The following DLC1 variants were observed in gnomAD, a reference collection of about 807,000 sequenced individuals.
The protein encoded by DLC1 is rho GTPase-activating protein 7.
Under a neutral mutation model 140.3 loss-of-function variants are expected in DLC1, and 54 were observed. That is an observed-to-expected ratio of 0.38 (90% CI 0.31 to 0.48). DLC1 has a LOEUF of 0.48. Among genes scored for constraint, DLC1 ranks in the 20% least tolerant of loss-of-function variants. The pLI is 0.96. For synonymous variants in DLC1, 986 were observed against 728.1 expected (o/e 1.35, Z -5.70); for missense variants, 2,536 against 1,907.0 (o/e 1.33, Z -6.14).
chr8:13,251,684 T>C (rs939345296), intron 5 of DLC1, among the ~76,000 whole-genome samples: 2 of 152,050 alleles, frequency 1.3e-5, no homozygotes, highest in African/African-American at 4.8e-5. Flanking sequence ...GAAATAAAAA[T>C]AACTGAGCTC....
intron 4 of DLC1, among the ~76,000 whole-genome samples, chr8:13,391,351 C>G (rs1480632537): frequency 6.6e-6 from 1 of 152,154 alleles, no homozygotes; most frequent in Non-Finnish European, 1.5e-5. Context: ...GATGACAAGT[C>G]ACACCTGAAC....
chr8:13,261,769 A>G (rs1414870101), intron 5 of DLC1, among the ~76,000 whole-genome samples: 1 of 152,184 alleles, frequency 6.6e-6, no homozygotes, highest in Non-Finnish European at 1.5e-5. Flanking sequence ...GGAGATGAAA[A>G]AGACAAGTTT....
At chr8:13,556,881 C>G (rs1014502403) in intron 1 of DLC1, among the ~76,000 whole-genome samples, 1 of 152,206 alleles carries the variant, frequency 6.6e-6, no homozygotes, top group African/African-American at 2.4e-5. Context: ...TGCTGACAGT[C>G]TGATACTTGC....
intron 5 of DLC1, among the ~76,000 whole-genome samples, chr8:13,265,032 C>T (rs1250280252): frequency 6.6e-6 from 1 of 152,168 alleles, no homozygotes; most frequent in Non-Finnish European, 1.5e-5. Flanking sequence ...TGGCTTCTGA[C>T]CTTCAGAGCT....
At chr8:13,422,543 C>T (rs760691463) in intron 2 of DLC1, among the ~76,000 whole-genome samples, 1 of 152,196 alleles carries the variant, frequency 6.6e-6, no homozygotes, top group South Asian at 2.1e-4. Flanking sequence ...TGCACGTTTA[C>T]TGCATACATT....
chr8:13,373,551 C>T (rs1377610231), intron 4 of DLC1, among the ~76,000 whole-genome samples: 1 of 152,144 alleles, frequency 6.6e-6, no homozygotes, highest in Non-Finnish European at 1.5e-5. Context: ...GAATTTGATT[C>T]AGCCCAATAA....
rs1412399948 is a variant in DLC1, at chr8:13,316,480, C to T, written c.1315-11178G>A. Among the ~76,000 whole-genome samples the T allele has an allele frequency of 3.3e-5, 5 of 151,714 alleles. No individual in the cohort carries two copies. The East Asian group carries it at 7.7e-4, about 23-fold the overall frequency. On this transcript the variant is annotated intron_variant, in intron 4 of 17. Transcript: ENST00000276297. The stretch of plus-strand genomic sequence containing the variant: ...AACTTTCTTAACCCTCAAAAGTGTC[C>T]CAGTCTGGATGATAATTTATATGAG...
chr8:13,266,692 C>T (rs1275039738), intron 5 of DLC1, among the ~76,000 whole-genome samples: 1 of 152,100 alleles, frequency 6.6e-6, no homozygotes, highest in Non-Finnish European at 1.5e-5. Context: ...TTGCTGTGAG[C>T]TGAGATCCTG....
intron 1 of DLC1, chr8:13,557,962 A>C (rs566668815): frequency 6.6e-6 from 1 of 152,344 alleles, no homozygotes; most frequent in East Asian, 1.9e-4. Flanking sequence ...GTTTTCTAAA[A>C]GGAAAAATGT....
chr8:13,169,094 G>T (rs960017568), intron 5 of DLC1, among the ~76,000 whole-genome samples: 12 of 152,202 alleles, frequency 7.9e-5, no homozygotes, highest in African/African-American at 2.7e-4. Context: ...TTATGGATCA[G>T]AAGGAAATGT....
intron 1 of DLC1, among the ~76,000 whole-genome samples, chr8:13,592,840 C>G (rs1564537): frequency 0.99 from 150,214 of 152,238 alleles, 74,151 homozygotes; most frequent in Non-Finnish European, 1. Flanking sequence ...GTCTCTGTTA[C>G]ACACATTTTG....
At chr8:13,092,939 A>G in intron 12 of DLC1, 114 bp from the exon 13 acceptor site, 5 of 1,189,186 alleles carry the variant, frequency 4.2e-6, no homozygotes, top group Non-Finnish European at 3.5e-6. Context: ...CTGAACAAGC[A>G]CTTGTAGAAA....
chr8:13,211,946 A>G (rs1171431487), intron 5 of DLC1, among the ~76,000 whole-genome samples: 1 of 152,168 alleles, frequency 6.6e-6, no homozygotes, highest in Non-Finnish European at 1.5e-5. Context: ...TCCTATGTCA[A>G]ATGTTGACAA....
rs561635351 is a variant in DLC1, at chr8:13,097,543, C to T, written c.3167+856G>A. Among the ~76,000 whole-genome samples, 8 of 152,176 alleles carry T rather than the reference C, an allele frequency of 5.3e-5. No homozygotes were observed. In the East Asian group the frequency reaches 1.5e-3, roughly 29 times the overall value. Reference sequence around the variant, plus strand: ...ATTCCCAAAATGCTGGGATTACAGGCATGAGCCACCACACCCGCCCCAAAA... The same window carrying T: ...ATTCCCAAAATGCTGGGATTACAGGTATGAGCCACCACACCCGCCCCAAAA... On this transcript the variant is annotated intron_variant, in intron 10 of 17. Transcript: ENST00000276297.
chr8:13,331,913 G>C (rs73216394), intron 4 of DLC1, among the ~76,000 whole-genome samples: 8,377 of 152,094 alleles, frequency 0.055, 285 homozygotes, highest in South Asian at 0.14. Flanking sequence ...CTTTTTCCTA[G>C]ACGCTTTCTT....
At chr8:13,132,961 T>A (rs371420134) in intron 5 of DLC1, 2 of 1,610,952 alleles carry the variant, frequency 1.2e-6, no homozygotes, top group Non-Finnish European at 1.7e-6. Flanking sequence ...GATCATGGTG[T>A]CCGGCTTCTT....
chr8:13,439,224 T>G (rs1839253085), intron 2 of DLC1, among the ~76,000 whole-genome samples: 1 of 152,136 alleles, frequency 6.6e-6, no homozygotes, highest in South Asian at 2.1e-4. Context: ...CTTGGTAGGC[T>G]GAAGCAGGAG....
chr8:13,495,669 C>T (rs1012746366), intron 2 of DLC1, among the ~76,000 whole-genome samples: 1 of 152,104 alleles, frequency 6.6e-6, no homozygotes, highest in African/African-American at 2.4e-5. Context: ...CCAATTGAGA[C>T]TCCTAATAAA....
At chr8:13,200,965 A>G (rs114809927) in intron 5 of DLC1, among the ~76,000 whole-genome samples, 2,442 of 152,280 alleles carry the variant, frequency 0.016, 67 homozygotes, top group African/African-American at 0.055. Context: ...TATAGCCTCA[A>G]CTATAATTAC....
Sources: allele counts gnomAD v4.1 joint callset (sites outside exome capture counted in the v4.1 genomes callset), GRCh38; gene constraint gnomAD v4.1.1; transcripts MANE v1.5; gene names NCBI Gene and HGNC (gene_info 2026-07-23, HGNC 2026-07-21).